ERAP1: variants seen among roughly 807,000 people sequenced by gnomAD.
ERAP1 encodes adipocyte-derived leucine aminopeptidase.
Under a neutral mutation model 103.7 loss-of-function variants are expected in ERAP1, and 86 were observed. That is an observed-to-expected ratio of 0.83 (90% CI 0.70 to 0.99). ERAP1 has a LOEUF of 0.99. Ranked by LOEUF, ERAP1 falls within the 50% of genes least tolerant of loss-of-function variation. ERAP1 has a pLI of 0.00. For synonymous variants in ERAP1, 398 were observed against 402.4 expected (o/e 0.99, Z 0.13); for missense variants, 1,009 against 1,128.4 (o/e 0.89, Z 1.52).
chr5:96,933,079 G>T, the ERAP1 span, among the ~76,000 whole-genome samples: 1 of 152,054 alleles, frequency 6.6e-6, no homozygotes, highest in Non-Finnish European at 1.5e-5. Context: ...CCCTCAAAAA[G>T]GCTCTATGAA....
chr5:96,881,323 C>A, the ERAP1 span: 1 of 435,998 alleles, frequency 2.3e-6, no homozygotes. Context: ...AGTGGCAGTG[C>A]TTATGGAGTG....
the ERAP1 span, chr5:96,903,608 C>A: frequency 6.7e-7 from 1 of 1,495,156 alleles, no homozygotes; most frequent in Non-Finnish European, 9.1e-7. Flanking sequence ...TGATTCGTAA[C>A]CAGATATGCT....
the ERAP1 span, among the ~76,000 whole-genome samples, chr5:96,830,843 A>G: frequency 6.6e-6 from 1 of 152,138 alleles, no homozygotes; most frequent in Non-Finnish European, 1.5e-5. Context: ...ATCATTCATG[A>G]TCCTCCAAAT....
chr5:96,902,681 A>G, the ERAP1 span: 1 of 192,504 alleles, frequency 5.2e-6, no homozygotes, highest in South Asian at 1.1e-4. Flanking sequence ...GGAAAAAAGC[A>G]CATACTTTAA....
At chr5:96,813,648 C>CT in the ERAP1 span, among the ~76,000 whole-genome samples, 3 of 18,908 alleles carry the variant, frequency 1.6e-4, 1 homozygote, top group Non-Finnish European at 1.1e-4. Context: ...CAAGACTCAT[C>CT]TCAAAAAAAA....
chr5:96,912,647 G>A, the ERAP1 span: 27 of 1,607,998 alleles, frequency 1.7e-5, no homozygotes, highest in Non-Finnish European at 2.3e-5. Flanking sequence ...TATACCAACA[G>A]ATGTTTTAAA....
chr5:96,761,428 G>A (rs1288345456), exon 20 of ERAP1: 1 of 152,084 alleles, frequency 6.6e-6, no homozygotes, highest in African/African-American at 2.4e-5. Context: ...GTATCTTATA[G>A]TTATCTAAAT....
intron 3 of ERAP1, among the ~76,000 whole-genome samples, chr5:96,799,103 T>A (rs1253296273): frequency 6.6e-6 from 1 of 151,838 alleles, no homozygotes; most frequent in Non-Finnish European, 1.5e-5. Context: ...TGACCTCAGG[T>A]TATCCACCTG....
intron 15 of ERAP1, 89 bp from the exon 16 acceptor site, chr5:96,781,943 T>G: frequency 8.0e-7 from 1 of 1,254,758 alleles, no homozygotes; most frequent in Non-Finnish European, 1.2e-6. Context: ...CTGCTGAACT[T>G]TCCCCATGAT....
At position 96,794,056 on chromosome 5, in the gene ERAP1, G is replaced by A. The variant is rs187304388; in HGVS notation, c.920-99C>T. ...GGATAGGTGTTTGAACCAGCTGCCCGTGCATAATCATGGAGCTCTAGACTG... is the reference window on the plus strand; with the variant it reads ...GGATAGGTGTTTGAACCAGCTGCCCATGCATAATCATGGAGCTCTAGACTG... On this transcript the variant is annotated intron_variant, in intron 5 of 18. Transcript: ENST00000443439. 1.1e-4 allele frequency: 128 copies of A among 1,216,762 alleles called. No individual in the cohort carries two copies. In the African/African-American group the frequency reaches 1.4e-3, roughly 14 times the overall value. 75.4% of individuals were successfully genotyped at this position (1,216,762 alleles called of 1,614,324 possible). A position where few individuals can be genotyped will look rare whatever the true frequency, so the allele number is the denominator to read the frequency against.
chr5:96,917,667 G>A, the ERAP1 span: 246 of 1,410,722 alleles, frequency 1.7e-4, 1 homozygote, highest in Admixed American at 4.5e-3. Context: ...AGCACTTTGG[G>A]AGGCTGAGAA....
At chr5:96,925,096 G>T in the ERAP1 span, among the ~76,000 whole-genome samples, 5,761 of 152,256 alleles carry the variant, frequency 0.038, 188 homozygotes, top group Middle Eastern at 0.12. Flanking sequence ...TAAATGATCA[G>T]ATTGGAATAT....
At chr5:96,926,504 TTC>T in the ERAP1 span, among the ~76,000 whole-genome samples, 1 of 152,316 alleles carries the variant, frequency 6.6e-6, no homozygotes. Context: ...CTAATCTACT[TTC>T]TGTTTCTATA....
chr5:96,867,247 T>C, the ERAP1 span, among the ~76,000 whole-genome samples: 1 of 151,948 alleles, frequency 6.6e-6, no homozygotes, highest in African/African-American at 2.4e-5. Flanking sequence ...GCTGAGGCAA[T>C]CCCTCTGCCT....
chr5:96,922,342 A>G, the ERAP1 span, among the ~76,000 whole-genome samples: 1 of 152,168 alleles, frequency 6.6e-6, no homozygotes, highest in South Asian at 2.1e-4. Context: ...CTAGTCAATT[A>G]AGTTGCAAAT....
chr5:96,825,093 C>T, the ERAP1 span, among the ~76,000 whole-genome samples: 1 of 152,158 alleles, frequency 6.6e-6, no homozygotes, highest in Non-Finnish European at 1.5e-5. Context: ...TTTACTTGGT[C>T]ATTGGTCAGT....
chr5:96,763,144 G>T (rs923600416), exon 20 of ERAP1: 4 of 780,110 alleles, frequency 5.1e-6, no homozygotes, highest in Non-Finnish European at 9.6e-6. Flanking sequence ...CTTCCATTCC[G>T]TTTGATGTAG....
chr5:96,879,538 G>T, the ERAP1 span: 1 of 608,452 alleles, frequency 1.6e-6, no homozygotes, highest in Non-Finnish European at 2.9e-6. Context: ...TTTTTGTCAT[G>T]CTATAAGTGT....
At chr5:96,917,735 T>C in the ERAP1 span, 1 of 605,334 alleles carries the variant, frequency 1.7e-6, no homozygotes, top group Non-Finnish European at 2.6e-6. Context: ...TGAGACCCCG[T>C]CTCCGCTAAA....
Sources: gnomAD v4.1 joint callset for allele counts (sites outside exome capture counted in the v4.1 genomes callset) on GRCh38, gnomAD v4.1.1 for gene constraint, MANE v1.5 for transcripts, NCBI Gene and HGNC (gene_info 2026-07-23, HGNC 2026-07-21) for gene names.